ABCB1: variants seen among roughly 807,000 people sequenced by gnomAD.
ABCB1 encodes the protein ATP-dependent translocase ABCB1.
Under a neutral mutation model 142.0 loss-of-function variants are expected in ABCB1, and 69 were observed. The ratio of observed to expected loss-of-function variants is 0.49; its 90% CI spans 0.40 to 0.59. The LOEUF (loss-of-function observed/expected upper bound fraction) is 0.59. Ranked by LOEUF, ABCB1 falls within the 20% of genes least tolerant of loss-of-function variation. ABCB1 has a pLI of 0.00. For missense variants in ABCB1, 1,326 were observed against 1,554.7 expected (o/e 0.85, Z 2.47); for synonymous variants, 532 against 539.2 (o/e 0.99, Z 0.18).
At chr7:87,559,830 C>T (rs1031453242) in intron 8 of ABCB1, among the ~76,000 whole-genome samples, 2 of 152,060 alleles carry the variant, frequency 1.3e-5, no homozygotes, top group Non-Finnish European at 2.9e-5. Flanking sequence ...AGCTGAGAAA[C>T]CAGGAAGAAG....
intron 1 of ABCB1, among the ~76,000 whole-genome samples, chr7:87,635,555 G>A (rs1055218779): frequency 4.6e-5 from 7 of 152,014 alleles, no homozygotes; most frequent in Non-Finnish European, 5.9e-5. Flanking sequence ...AGATATGTAG[G>A]ACATTGTGAT....
chr7:87,584,741 A>G (rs1261272904), intron 4 of ABCB1, among the ~76,000 whole-genome samples: 1 of 152,098 alleles, frequency 6.6e-6, no homozygotes, highest in Non-Finnish European at 1.5e-5. Context: ...TCACCTTCTC[A>G]TCTACCCACC....
chr7:87,646,721 T>G (rs1039169042), intron 1 of ABCB1, among the ~76,000 whole-genome samples: 2 of 152,184 alleles, frequency 1.3e-5, no homozygotes, highest in Admixed American at 6.5e-5. Context: ...ACTTATTATT[T>G]CTTATTAAAA....
intron 10 of ABCB1, 46 bp downstream of exon 10, chr7:87,550,679 T>A: frequency 6.4e-7 from 1 of 1,559,912 alleles, no homozygotes; most frequent in Non-Finnish European, 8.8e-7. Flanking sequence ...TTGACTTAAC[T>A]GGACAATCTT....
intron 1 of ABCB1, among the ~76,000 whole-genome samples, chr7:87,636,168 G>A (rs1251236333): frequency 6.6e-6 from 1 of 152,152 alleles, no homozygotes; most frequent in Non-Finnish European, 1.5e-5. Flanking sequence ...TTTTCAAAAG[G>A]AGTTGTACCA....
chr7:87,636,676 T>G (rs1008042202), intron 1 of ABCB1, among the ~76,000 whole-genome samples: 2 of 152,250 alleles, frequency 1.3e-5, no homozygotes, highest in African/African-American at 4.8e-5. Context: ...CTTTATTGTT[T>G]TATTTTTACA....
rs139820108 is a variant in ABCB1, at chr7:87,505,971, G to A, written c.3562C>T (p.Arg1188Cys). ...GGQKQRIAIA[R>C]ALVRQPHILL... ...ATATGAGGCTGTCTAACAAGGGCAC[G>A]AGCTATGGCAATGCGTTGTTTCTGG... The change falls in exon 27 of 28, where the codon CGT becomes TGT. Residue 1188 changes from arginine to cysteine, a missense_variant. By Grantham distance (180) the Arg-to-Cys change is radical. Coordinates refer to ENST00000622132, the MANE Select transcript of ABCB1 (RefSeq NM_001348946.2). The A allele has an allele frequency of 3.1e-6, 5 of 1,614,064 alleles. No homozygotes were observed. The highest frequency in any genetic ancestry group is 2.2e-5 in the East Asian group (1 of 44,884).
intron 1 of ABCB1, among the ~76,000 whole-genome samples, chr7:87,659,716 T>TA (rs1225508081): frequency 6.6e-6 from 1 of 152,190 alleles, no homozygotes; most frequent in Non-Finnish European, 1.5e-5. Context: ...CCAGGGAACT[T>TA]ACTGCTGTGT....
intron 1 of ABCB1, among the ~76,000 whole-genome samples, chr7:87,690,757 A>G (rs1329198468): frequency 2.6e-5 from 4 of 152,206 alleles, no homozygotes; most frequent in Admixed American, 2.6e-4. Context: ...GCCAATTTAT[A>G]GACAAGACTT....
chr7:87,642,715 A>G (rs1283856450), intron 1 of ABCB1, among the ~76,000 whole-genome samples: 2 of 152,004 alleles, frequency 1.3e-5, no homozygotes, highest in Non-Finnish European at 2.9e-5. Flanking sequence ...TGTCTTTTTT[A>G]TTTTAAGAGT....
chr7:87,603,088 ACTCTGACAACATTAAAGATTTGCCT>A (rs1354114237), upstream of ABCB1: 3 of 152,146 alleles, frequency 2.0e-5, no homozygotes, highest in Non-Finnish European at 4.4e-5. Context: ...ACTTGTCTAT[ACTCTGACAACATTAAAGATTTGCCT>A]CTCTGCTGCA....
At chr7:87,690,793 T>A (rs915701094) in intron 1 of ABCB1, among the ~76,000 whole-genome samples, 1 of 152,166 alleles carries the variant, frequency 6.6e-6, no homozygotes, top group Non-Finnish European at 1.5e-5. Context: ...TATTATCTGA[T>A]CACTTATAAT....
chr7:87,529,822 A>G (rs1346989893), intron 21 of ABCB1, among the ~76,000 whole-genome samples: 1 of 152,230 alleles, frequency 6.6e-6, no homozygotes, highest in East Asian at 1.9e-4. Context: ...TATTAAAGGA[A>G]GTCATTGGCA....
upstream of ABCB1, among the ~76,000 whole-genome samples, chr7:87,605,674 A>G (rs79084965): frequency 9.7e-4 from 148 of 152,290 alleles, no homozygotes; most frequent in East Asian, 8.1e-3. Flanking sequence ...GAAATACTCC[A>G]CTGCTCAAAA....
chr7:87,704,112 G>T (rs939172592), intron 1 of ABCB1, among the ~76,000 whole-genome samples: 1 of 151,116 alleles, frequency 6.6e-6, no homozygotes, highest in Non-Finnish European at 1.5e-5. Flanking sequence ...GTAGATACAG[G>T]GTTTCACCAT....
At chr7:87,659,798 T>G (rs1379094001) in intron 1 of ABCB1, among the ~76,000 whole-genome samples, 3 of 152,176 alleles carry the variant, frequency 2.0e-5, no homozygotes, top group African/African-American at 7.2e-5. Flanking sequence ...TTAATGTTTG[T>G]TTTCATAAAA....
chr7:87,602,218 C>T (rs544401610), upstream of ABCB1, among the ~76,000 whole-genome samples: 561 of 151,274 alleles, frequency 3.7e-3, 2 homozygotes, highest in Middle Eastern at 0.028. Flanking sequence ...TGGTCTTGAT[C>T]TCCTGACCTC....
chr7:87,703,072 C>T (rs957825407), intron 1 of ABCB1, among the ~76,000 whole-genome samples: 2 of 151,888 alleles, frequency 1.3e-5, no homozygotes, highest in African/African-American at 4.8e-5. Context: ...CAGAATGAAA[C>T]ATTAAGTAGA....
intron 4 of ABCB1, among the ~76,000 whole-genome samples, chr7:87,584,539 A>T (rs1818648970): frequency 6.6e-6 from 1 of 152,116 alleles, no homozygotes; most frequent in Non-Finnish European, 1.5e-5. Context: ...CCCAATCGAG[A>T]AAGAGAGAGA....
Sources: gnomAD v4.1 joint callset for allele counts (sites outside exome capture counted in the v4.1 genomes callset) on GRCh38, gnomAD v4.1.1 for gene constraint, MANE v1.5 for transcripts, NCBI Gene and HGNC (gene_info 2026-07-23, HGNC 2026-07-21) for gene names.